KCNQ5: variants seen among roughly 807,000 people sequenced by gnomAD.
The protein encoded by KCNQ5 is potassium voltage-gated channel subfamily KQT member 5.
In KCNQ5, 30 loss-of-function variants were observed where a neutral mutation model predicts 98.2. The observed-to-expected ratio is 0.31, with a 90% CI of 0.23 to 0.41. The LOEUF (loss-of-function observed/expected upper bound fraction) is 0.41, where lower values mean the gene tolerates loss of function less well. Among genes scored for constraint, KCNQ5 ranks in the 10% least tolerant of loss-of-function variants. The pLI, the probability that KCNQ5 is intolerant of heterozygous loss-of-function variation, is 1.00. For missense variants in KCNQ5, 835 were observed against 1,182.5 expected (o/e 0.71, Z 4.31); for synonymous variants, 458 against 449.4 (o/e 1.02, Z -0.24).
chr6:72,642,192 C>G (rs1281220939), intron 1 of KCNQ5, among the ~76,000 whole-genome samples: 1 of 148,166 alleles, frequency 6.7e-6, no homozygotes, highest in Non-Finnish European at 1.5e-5. Context: ...CCCAAATTTA[C>G]AAGTGAAAAA....
At chr6:72,941,118 C>T (rs373231263) in intron 1 of KCNQ5, among the ~76,000 whole-genome samples, 127 of 152,284 alleles carry the variant, frequency 8.3e-4, no homozygotes, top group African/African-American at 2.9e-3. Flanking sequence ...AGATAGATCT[C>T]AGTGAGTATT....
chr6:72,769,758 A>C (rs1367339171), intron 1 of KCNQ5, among the ~76,000 whole-genome samples: 1 of 152,118 alleles, frequency 6.6e-6, no homozygotes, highest in Non-Finnish European at 1.5e-5. Context: ...TCTGAAAACA[A>C]AGCTTTGTAT....
Position 72,835,540 on chromosome 6 carries a change from TGAGTA to T in KCNQ5, c.399-168362_399-168358del, listed in dbSNP as rs1244066912. 4.6e-5 allele frequency among the ~76,000 whole-genome samples: 7 copies of T among 152,282 alleles called. No individual in the cohort carries two copies. The Middle Eastern group carries it at 0.01, about 222-fold the overall frequency. On this transcript the variant is annotated intron_variant, in intron 1 of 13. Transcript: ENST00000370398. ...GAAATTTCACTCACTATTTTTATCA[TGAGTA>T]GAGTAAATTTATCAACCATGTTATT...
At chr6:72,753,827 G>A (rs1030586470) in intron 1 of KCNQ5, among the ~76,000 whole-genome samples, 2 of 152,094 alleles carry the variant, frequency 1.3e-5, no homozygotes, top group Non-Finnish European at 2.9e-5. Context: ...ATTCAGGATG[G>A]AAGTTATATT....
At chr6:72,640,336 A>C (rs80165796) in intron 1 of KCNQ5, among the ~76,000 whole-genome samples, 1 of 141,514 alleles carries the variant, frequency 7.1e-6, no homozygotes, top group African/African-American at 2.5e-5. Flanking sequence ...TTGCTGGGCA[A>C]AAAAAAAAAA....
intron 3 of KCNQ5, among the ~76,000 whole-genome samples, chr6:73,076,073 G>C (rs1434421209): frequency 6.6e-6 from 1 of 152,062 alleles, no homozygotes; most frequent in Non-Finnish European, 1.5e-5. Flanking sequence ...GAAGCCCTTT[G>C]GCTGAAACTT....
chr6:72,720,346 T>C lies in KCNQ5; in HGVS notation c.398+97759T>C, dbSNP rs565228930. 2.6e-5 allele frequency among the ~76,000 whole-genome samples: 4 copies of C among 152,366 alleles called. No individual in the cohort carries two copies. The East Asian group carries it at 7.7e-4, about 29-fold the overall frequency. On this transcript the variant is annotated intron_variant, in intron 1 of 13. Coordinates refer to ENST00000370398, the MANE Select transcript of KCNQ5 (RefSeq NM_019842.4). ...GACAAAACTCCCAGGAAATGACTTC[T>C]CTATGAATTAGTGCATTTTTTTAAG...
intron 10 of KCNQ5, chr6:73,157,987 G>C: frequency 1.3e-6 from 1 of 751,450 alleles, no homozygotes; most frequent in South Asian, 1.4e-5. Flanking sequence ...CCCTTGAACG[G>C]CCGGAAGATC....
rs555227166 is a variant in KCNQ5, at chr6:72,911,056, T to G, written c.399-92852T>G. ...TTAGCTATACTAACCAAGAAGTTTT[T>G]AACTGTATCCCAAGGGCAATGGAAA... is the stretch of plus-strand genomic sequence containing the variant. On this transcript the variant is annotated intron_variant, in intron 1 of 13. Coordinates refer to ENST00000370398, the MANE Select transcript of KCNQ5 (RefSeq NM_019842.4). 1.3e-4 allele frequency among the ~76,000 whole-genome samples: 20 copies of G among 152,294 alleles called. No individual in the cohort carries two copies. In the East Asian group the frequency reaches 3.7e-3, roughly 28 times the overall value.
chr6:72,842,699 C>T (rs1015813028), intron 1 of KCNQ5, among the ~76,000 whole-genome samples: 3 of 152,188 alleles, frequency 2.0e-5, no homozygotes, highest in African/African-American at 7.2e-5. Flanking sequence ...GAGATGGTAT[C>T]TCATTGCAGT....
At chr6:73,115,808 G>C (rs1020867795) in intron 7 of KCNQ5, among the ~76,000 whole-genome samples, 3 of 152,174 alleles carry the variant, frequency 2.0e-5, no homozygotes, top group African/African-American at 7.2e-5. Context: ...TAAGCCAAGA[G>C]AGAAAGAGAC....
At position 72,715,987 on chromosome 6, in the gene KCNQ5, C is replaced by T. The variant is rs189951064; in HGVS notation, c.398+93400C>T. On this transcript the variant is annotated intron_variant, in intron 1 of 13. Transcript: ENST00000370398. Reference sequence around the variant, plus strand: ...CACTCTAATAAGCTTTCTACTTATGCCAGTGATAATATTATAGAGTTCCTC... The same window carrying T: ...CACTCTAATAAGCTTTCTACTTATGTCAGTGATAATATTATAGAGTTCCTC... Among the ~76,000 whole-genome samples the T allele has an allele frequency of 8.7e-4, 133 of 152,140 alleles. 1 individual carries two copies. Among genetic ancestry groups the T allele is most frequent in the African/African-American group, 3.2e-3 (131 of 41,526 alleles).
intron 11 of KCNQ5, among the ~76,000 whole-genome samples, chr6:73,171,632 C>T (rs1350288724): frequency 6.6e-6 from 1 of 152,138 alleles, no homozygotes; most frequent in Non-Finnish European, 1.5e-5. Context: ...TTCAACTGTT[C>T]GATAGCCACA....
At chr6:72,746,096 A>G in intron 1 of KCNQ5, among the ~76,000 whole-genome samples, 1 of 98,350 alleles carries the variant, frequency 1.0e-5, no homozygotes, top group Non-Finnish European at 2.0e-5. Context: ...AAAAAAAAAA[A>G]AAAAAAAAGG....
At chr6:72,838,053 C>T (rs953499329) in intron 1 of KCNQ5, among the ~76,000 whole-genome samples, 10 of 150,998 alleles carry the variant, frequency 6.6e-5, no homozygotes, top group East Asian at 1.9e-4. Flanking sequence ...GCTGCACCCA[C>T]TAACTCTTCA....
At chr6:72,924,341 A>G (rs1780531806) in intron 1 of KCNQ5, among the ~76,000 whole-genome samples, 1 of 152,196 alleles carries the variant, frequency 6.6e-6, no homozygotes, top group Non-Finnish European at 1.5e-5. Context: ...AATTTTTCTG[A>G]ACAGAAATTA....
rs555608140 is a variant in KCNQ5 at position 72,852,414 on chromosome 6, G to T, written c.399-151494G>T. ...TTTTAATTTGGTATATATACACAATGGAATATTATTCAGCCATAAAAATAA... is the reference window on the plus strand; with the variant it reads ...TTTTAATTTGGTATATATACACAATTGAATATTATTCAGCCATAAAAATAA... On this transcript the variant is annotated intron_variant, in intron 1 of 13. Transcript: ENST00000370398. Among the ~76,000 whole-genome samples, 202 of 151,198 alleles carry T rather than the reference G, an allele frequency of 1.3e-3. 3 individuals carry two copies. Among genetic ancestry groups the T allele is most frequent in the Non-Finnish European group, 1.3e-4 (9 of 67,752 alleles).
chr6:73,160,785 C>T (rs1250512943), intron 10 of KCNQ5, among the ~76,000 whole-genome samples: 1 of 152,164 alleles, frequency 6.6e-6, no homozygotes, highest in Non-Finnish European at 1.5e-5. Flanking sequence ...GGCTATACAT[C>T]GCATTCTTCC....
intron 1 of KCNQ5, among the ~76,000 whole-genome samples, chr6:72,695,380 A>C (rs1768435188): frequency 6.6e-6 from 1 of 152,224 alleles, no homozygotes; most frequent in Admixed American, 6.5e-5. Context: ...AAGTACAGAA[A>C]ACAATAAATA....
Sources: gnomAD v4.1 joint callset for allele counts (sites outside exome capture counted in the v4.1 genomes callset) on GRCh38, gnomAD v4.1.1 for gene constraint, MANE v1.5 for transcripts, NCBI Gene and HGNC (gene_info 2026-07-23, HGNC 2026-07-21) for gene names.